TRABD2B: variants seen among roughly 807,000 people sequenced by gnomAD.
TRABD2B encodes the protein TraB domain containing 2B.
Under a neutral mutation model 40.1 loss-of-function variants are expected in TRABD2B, and 14 were observed. The ratio of observed to expected loss-of-function variants is 0.35; its 90% CI spans 0.23 to 0.55. The LOEUF (loss-of-function observed/expected upper bound fraction) is 0.55, where lower values mean the gene tolerates loss of function less well. Among genes scored for constraint, TRABD2B ranks in the 20% least tolerant of loss-of-function variants. The pLI, the probability that TRABD2B is intolerant of heterozygous loss-of-function variation, is 0.90. For synonymous variants in TRABD2B, 263 were observed against 277.0 expected, an observed-to-expected ratio of 0.95 and a Z score of 0.50; for missense variants, 541 against 648.6, an observed-to-expected ratio of 0.83 and a Z score of 1.80.
At chr1:47,910,984 G>A (rs894077244) in intron 2 of TRABD2B, among the ~76,000 whole-genome samples, 6 of 152,176 alleles carry the variant, frequency 3.9e-5, no homozygotes, top group Non-Finnish European at 7.3e-5. Flanking sequence ...GGAATGGCCA[G>A]GCAGAGGATG....
intron 2 of TRABD2B, among the ~76,000 whole-genome samples, chr1:47,947,863 G>T (rs945474787): frequency 2.4e-4 from 37 of 152,186 alleles, no homozygotes; most frequent in African/African-American, 8.4e-4. Flanking sequence ...GGCTCAGAGG[G>T]TAAAGCCCCT....
intron 2 of TRABD2B, among the ~76,000 whole-genome samples, chr1:47,844,008 C>T (rs1037771924): frequency 1.3e-5 from 2 of 152,184 alleles, no homozygotes; most frequent in Non-Finnish European, 2.9e-5. Flanking sequence ...CTGACTTTAG[C>T]CCTAACTCCT....
At chr1:47,820,782 C>CCACACACACACACA (rs56348753) in intron 2 of TRABD2B, among the ~76,000 whole-genome samples, 9 of 147,110 alleles carry the variant, frequency 6.1e-5, no homozygotes, top group South Asian at 4.4e-4. Context: ...TTCACACACA[C>CCACACACACACACA]CACACACACA....
At chr1:47,913,667 G>GGA (rs1323792550) in intron 2 of TRABD2B, among the ~76,000 whole-genome samples, 5 of 152,208 alleles carry the variant, frequency 3.3e-5, no homozygotes. Context: ...GGGGCAGCAT[G>GGA]GAGTTCCTGC....
At chr1:47,924,799 G>A (rs1358356784) in intron 2 of TRABD2B, among the ~76,000 whole-genome samples, 1 of 152,150 alleles carries the variant, frequency 6.6e-6, no homozygotes, top group Non-Finnish European at 1.5e-5. Context: ...GGCCATCTAG[G>A]GCAGAGGACC....
chr1:47,841,786 C>CTTTTTCT (rs1553157214), intron 2 of TRABD2B, among the ~76,000 whole-genome samples: 1 of 136,448 alleles, frequency 7.3e-6, no homozygotes, highest in East Asian at 2.1e-4. Flanking sequence ...TTTTCTTTTT[C>CTTTTTCT]TTTTTTTTTT....
intron 2 of TRABD2B, among the ~76,000 whole-genome samples, chr1:47,809,666 G>A (rs924038100): frequency 1.3e-5 from 2 of 152,166 alleles, no homozygotes; most frequent in South Asian, 4.1e-4. Flanking sequence ...AAGCCATGCC[G>A]ACTACCTCCC....
chr1:47,928,050 AGATCCTCAAGT>A (rs1235631560), intron 2 of TRABD2B, among the ~76,000 whole-genome samples: 7 of 152,234 alleles, frequency 4.6e-5, no homozygotes, highest in Non-Finnish European at 1.0e-4. Context: ...TATTTTAACA[AGATCCTCAAGT>A]GATCCGTGGG....
At chr1:47,963,868 G>A (rs200827671) in intron 2 of TRABD2B, among the ~76,000 whole-genome samples, 3 of 152,300 alleles carry the variant, frequency 2.0e-5, no homozygotes, top group East Asian at 3.9e-4. Flanking sequence ...ACTCTCTGGC[G>A]GAGTTAACAA....
intron 2 of TRABD2B, among the ~76,000 whole-genome samples, chr1:47,876,243 G>A (rs958608615): frequency 6.6e-6 from 1 of 152,134 alleles, no homozygotes; most frequent in Non-Finnish European, 1.5e-5. Flanking sequence ...GAGATCACAG[G>A]GCTGCTGAGA....
intron 2 of TRABD2B, among the ~76,000 whole-genome samples, chr1:47,945,736 GT>G (rs1412725600): frequency 1.3e-5 from 2 of 152,112 alleles, no homozygotes; most frequent in Non-Finnish European, 2.9e-5. Flanking sequence ...TGTATCAGTA[GT>G]TTTTTTCCTT....
chr1:47,904,379 G>A lies in TRABD2B; in HGVS notation c.666+89655C>T, dbSNP rs374073276. On this transcript the variant is annotated intron_variant, in intron 2 of 6. Transcript: ENST00000606738. ...AATCGAGTTTAGATTTTACTCAGTAGGTGAAGACATTTATATGATGGTTCC... is the reference window on the plus strand; with the variant it reads ...AATCGAGTTTAGATTTTACTCAGTAAGTGAAGACATTTATATGATGGTTCC... Among the ~76,000 whole-genome samples, 19 of 152,236 alleles carry A rather than the reference G, an allele frequency of 1.2e-4. No homozygotes were observed. The East Asian group carries it at 1.4e-3, about 11-fold the overall frequency.
intron 2 of TRABD2B, among the ~76,000 whole-genome samples, chr1:47,837,291 T>G (rs1025734883): frequency 1.3e-5 from 2 of 152,138 alleles, no homozygotes; most frequent in East Asian, 3.9e-4. Context: ...AGGGAACAGA[T>G]CTGCATTTTT....
In TRABD2B at chr1:47,764,360, CT is replaced by C. The variant is rs1199989054; in HGVS notation, c.*1541del. ...GTCAGGTTCCAGGACTCTGTAATTA[CT>C]GAGGCACCTGCCCCATAGGGTTTCA... On this transcript the variant is annotated 3_prime_UTR_variant, in exon 7 of 7. Coordinates refer to ENST00000606738, the MANE Select transcript of TRABD2B (RefSeq NM_001194986.2). 6.6e-6 allele frequency: 1 copy of C among 152,222 alleles called. No individual in the cohort carries two copies. The highest frequency in any genetic ancestry group is 1.5e-5 in the Non-Finnish European group (1 of 68,066). The allele number at this position is 152,222 out of a possible 1,614,324, so 9.4% of individuals were successfully genotyped here. A position where few individuals can be genotyped will look rare whatever the true frequency, so the allele number is the denominator to read the frequency against.
chr1:47,929,065 A>G (rs915331019), intron 2 of TRABD2B, among the ~76,000 whole-genome samples: 1 of 152,238 alleles, frequency 6.6e-6, no homozygotes, highest in Non-Finnish European at 1.5e-5. Context: ...TTTATCTGCA[A>G]TACTCTTCTC....
chr1:47,820,435 C>T (rs1259731457), intron 2 of TRABD2B, among the ~76,000 whole-genome samples: 3 of 152,238 alleles, frequency 2.0e-5, no homozygotes, highest in East Asian at 3.9e-4. Flanking sequence ...CAAGGTCACA[C>T]AGCACGAGAA....
At chr1:47,903,363 C>T (rs1384268078) in intron 2 of TRABD2B, among the ~76,000 whole-genome samples, 1 of 152,150 alleles carries the variant, frequency 6.6e-6, no homozygotes, top group Non-Finnish European at 1.5e-5. Flanking sequence ...CCCAGCTGTG[C>T]CTCTCCTACT....
intron 2 of TRABD2B, among the ~76,000 whole-genome samples, chr1:47,802,571 C>T (rs1644837228): frequency 6.6e-6 from 1 of 152,168 alleles, no homozygotes; most frequent in East Asian, 1.9e-4. Flanking sequence ...AACTTGGTCC[C>T]TGTACAGAAA....
chr1:47,782,133 G>A (rs1257161245), intron 4 of TRABD2B, among the ~76,000 whole-genome samples: 1 of 152,092 alleles, frequency 6.6e-6, no homozygotes, highest in Non-Finnish European at 1.5e-5. Context: ...GCGACCTACT[G>A]GGCATCTCCA....
Sources: allele counts gnomAD v4.1 joint callset (sites outside exome capture counted in the v4.1 genomes callset), GRCh38; gene constraint gnomAD v4.1.1; transcripts MANE v1.5; gene names NCBI Gene and HGNC (gene_info 2026-07-23, HGNC 2026-07-21).